The following SLC25A33 variants were observed in gnomAD, a reference collection of about 807,000 sequenced individuals.
SLC25A33 encodes bone marrow stromal cell mitochondrial carrier protein.
Under a neutral mutation model 35.5 loss-of-function variants are expected in SLC25A33, and 15 were observed. The ratio of observed to expected loss-of-function variants is 0.42; its 90% CI spans 0.28 to 0.65. SLC25A33 has a LOEUF of 0.65. Ranked by LOEUF, SLC25A33 falls within the 30% of genes least tolerant of loss-of-function variation. The probability of loss-of-function intolerance (pLI) is 0.20; values close to 1 mark genes in which losing one functional copy is unlikely to be tolerated. For synonymous variants in SLC25A33, 136 were observed against 148.7 expected, an observed-to-expected ratio of 0.91 and a Z score of 0.62; for missense variants, 257 against 398.5, an observed-to-expected ratio of 0.64 and a Z score of 3.02.
intron 5 of SLC25A33, among the ~76,000 whole-genome samples, chr1:9,576,094 G>A (rs1643658027): frequency 6.6e-6 from 1 of 152,154 alleles, no homozygotes; most frequent in African/African-American, 2.4e-5. Flanking sequence ...ATGTATTCTT[G>A]TCATTCTGCC....
At chr1:9,580,602 A>G (rs1643728953) in intron 6 of SLC25A33, among the ~76,000 whole-genome samples, 1 of 152,212 alleles carries the variant, frequency 6.6e-6, no homozygotes, top group Non-Finnish European at 1.5e-5. Flanking sequence ...TCACGCCTGT[A>G]ATCCCAGCAC....
At position 9,580,050 on chromosome 1, in the gene SLC25A33, G is replaced by A. The variant is rs370298864; in HGVS notation, c.579G>A (p.Ser193=). The A allele has an allele frequency of 4.5e-5, 72 of 1,612,484 alleles. No homozygotes were observed. Among genetic ancestry groups the A allele is most frequent in the African/African-American group, 1.3e-4 (10 of 74,928 alleles). Residue 193 remains serine (S), a synonymous_variant, in exon 6 of 7, where the codon TCG becomes TCA. Coordinates refer to ENST00000302692, the MANE Select transcript of SLC25A33 (RefSeq NM_032315.3). The part of the protein sequence containing the change: ...IRGFYRGLTA[S]YAGISETIIC... ...GCTTCTATAGAGGATTAACTGCCTC[G>A]TATGCTGGAATTTCCGAAACTATAA...
At chr1:9,539,777 C>A in intron 1 of SLC25A33, 30 bp downstream of exon 1, 1 of 1,345,628 alleles carries the variant, frequency 7.4e-7, no homozygotes, top group Non-Finnish European at 9.5e-7. Context: ...CGCGCGCGCC[C>A]CACCGCCTGC....
At chr1:9,560,732 T>C (rs1643411775) in intron 2 of SLC25A33, among the ~76,000 whole-genome samples, 1 of 151,838 alleles carries the variant, frequency 6.6e-6, no homozygotes, top group Non-Finnish European at 1.5e-5. Flanking sequence ...AAAAAAATTC[T>C]CTATTGAAGA....
chr1:9,561,797 G>A (rs1643427020), intron 2 of SLC25A33, among the ~76,000 whole-genome samples: 1 of 152,032 alleles, frequency 6.6e-6, no homozygotes, highest in Non-Finnish European at 1.5e-5. Context: ...ACCACAGAGA[G>A]GATCTAAACT....
intron 1 of SLC25A33, among the ~76,000 whole-genome samples, chr1:9,544,013 G>A (rs1643131215): frequency 6.6e-6 from 1 of 152,026 alleles, no homozygotes; most frequent in Non-Finnish European, 1.5e-5. Context: ...GCTGAGGTAG[G>A]AAAATCACTT....
chr1:9,552,096 T>C (rs997389894), intron 1 of SLC25A33, among the ~76,000 whole-genome samples: 21 of 152,200 alleles, frequency 1.4e-4, no homozygotes, highest in African/African-American at 5.1e-4. Flanking sequence ...ATAAGGGTAA[T>C]ACTCAAATGA....
In SLC25A33 at chr1:9,578,667, C is replaced by T. The variant is rs959568486; in HGVS notation, c.483-1287C>T. The stretch of plus-strand genomic sequence containing the variant: ...TTACTTTTTTGTAGAGATAGAGCCT[C>T]ACTACATTGGCCAGGCTGGTCTTGA... On this transcript the variant is annotated intron_variant, in intron 5 of 6. Coordinates refer to ENST00000302692, the MANE Select transcript of SLC25A33 (RefSeq NM_032315.3). The surrounding 1 kb of genome is among the most constrained non-coding windows in gnomAD (Gnocchi z 4.3). Among the ~76,000 whole-genome samples, 2 of 152,188 alleles carry T rather than the reference C, an allele frequency of 1.3e-5. No homozygotes were observed. The highest frequency in any genetic ancestry group is 2.9e-5 in the Non-Finnish European group (2 of 68,036).
At chr1:9,574,995 C>T (rs1021291172) in intron 5 of SLC25A33, among the ~76,000 whole-genome samples, 3 of 151,870 alleles carry the variant, frequency 2.0e-5, no homozygotes, top group Non-Finnish European at 4.4e-5. Context: ...GGGCAGATCA[C>T]GAGGTCAGGA....
At chr1:9,567,249 G>C in intron 2 of SLC25A33, 35 bp from the exon 3 acceptor site, 9 of 1,573,610 alleles carry the variant, frequency 5.7e-6, no homozygotes, top group Non-Finnish European at 7.0e-6. Flanking sequence ...CCTTGCCTGA[G>C]GGGTTTTAAA....
intron 5 of SLC25A33, chr1:9,577,086 A>T: frequency 1.8e-6 from 1 of 554,194 alleles, no homozygotes; most frequent in Non-Finnish European, 3.1e-6. Context: ...ATTTGGGAAG[A>T]AAAGAATAGC....
chr1:9,540,131 G>T (rs1266087698), intron 1 of SLC25A33, among the ~76,000 whole-genome samples: 1 of 152,144 alleles, frequency 6.6e-6, no homozygotes, highest in Non-Finnish European at 1.5e-5. Flanking sequence ...GAAGCGCAGC[G>T]CCTCAGAGCC....
chr1:9,539,517 C>T lies in SLC25A33; in HGVS notation c.-175C>T, dbSNP rs1264108914. ...GGCCGGTGAGGCGCCGGCGGCCACG[C>T]CGCGGAAGGCGCGGGCCGAGCAGAG... On this transcript the variant is annotated 5_prime_UTR_variant, in exon 1 of 7. Coordinates refer to ENST00000302692, the MANE Select transcript of SLC25A33 (RefSeq NM_032315.3). 1 of 298,754 alleles carries T rather than the reference C, an allele frequency of 3.3e-6. No homozygotes were observed. The highest frequency in any genetic ancestry group is 2.3e-5 in the African/African-American group (1 of 44,340). The allele number at this position is 298,754 out of a possible 1,614,324, so 18.5% of individuals were successfully genotyped here.
At chr1:9,580,792 G>C (rs986521233) in intron 6 of SLC25A33, among the ~76,000 whole-genome samples, 5 of 151,116 alleles carry the variant, frequency 3.3e-5, no homozygotes, top group African/African-American at 1.2e-4. Context: ...GGAGGTGGAG[G>C]TTGCAGTGAG....
chr1:9,549,719 C>G (rs969356475), intron 1 of SLC25A33, among the ~76,000 whole-genome samples: 2 of 149,846 alleles, frequency 1.3e-5, no homozygotes, highest in Non-Finnish European at 3.0e-5. Flanking sequence ...CTCCCAGATT[C>G]AAGGGATTCT....
intron 1 of SLC25A33, among the ~76,000 whole-genome samples, chr1:9,549,916 C>A (rs1643238247): frequency 7.0e-6 from 1 of 142,448 alleles, no homozygotes; most frequent in African/African-American, 2.5e-5. Context: ...AGCCGCCACG[C>A]CCAACATATA....
At chr1:9,580,960 T>C (rs1030441530) in intron 6 of SLC25A33, among the ~76,000 whole-genome samples, 3 of 152,110 alleles carry the variant, frequency 2.0e-5, no homozygotes, top group African/African-American at 2.4e-5. Flanking sequence ...TTTTGAGTTA[T>C]AGAATTCTTG....
intron 1 of SLC25A33, among the ~76,000 whole-genome samples, chr1:9,544,518 C>T (rs1643139454): frequency 6.6e-6 from 1 of 152,110 alleles, no homozygotes; most frequent in Non-Finnish European, 1.5e-5. Flanking sequence ...ATCTGCCCAT[C>T]TCAGCCTCCA....
At position 9,580,096 on chromosome 1, in the gene SLC25A33, A is replaced by C; in HGVS notation, c.625A>C (p.Ser209Arg). Residue 209 changes from serine to arginine, a missense_variant, in exon 6 of 7, where the codon AGT becomes CGT. Physicochemically the swap from Ser to Arg is moderately radical, Grantham distance 110. Transcript: ENST00000302692. ...TATAATCTGCTTTGCTATTTATGAAAGTTTAAAGAAGTATCTGAAAGAAGC... is the reference window on the plus strand; with the variant it reads ...TATAATCTGCTTTGCTATTTATGAACGTTTAAAGAAGTATCTGAAAGAAGC... ...ETIICFAIYE[S>R]LKKYLKEAPL... The C allele has an allele frequency of 6.2e-7, 1 of 1,612,574 alleles. No homozygotes were observed. Among genetic ancestry groups the C allele is most frequent in the Non-Finnish European group, 8.5e-7 (1 of 1,178,952 alleles).
Sources: gnomAD v4.1 joint callset for allele counts (sites outside exome capture counted in the v4.1 genomes callset) on GRCh38, gnomAD v4.1.1 for gene constraint, Gnocchi (gnomAD v3.1) non-coding constraint, MANE v1.5 for transcripts, NCBI Gene and HGNC (gene_info 2026-07-23, HGNC 2026-07-21) for gene names.